Variants in PLXNC1 observed in about 807,000 individuals in gnomAD.
PLXNC1 encodes the protein plexin-C1.
In PLXNC1, 75 loss-of-function variants were observed where a neutral mutation model predicts 178.2. That is an observed-to-expected ratio of 0.42 (90% CI 0.35 to 0.51). The LOEUF (loss-of-function observed/expected upper bound fraction) is 0.51, where lower values mean the gene tolerates loss of function less well. Among genes scored for constraint, PLXNC1 ranks in the 20% least tolerant of loss-of-function variants. The pLI, the probability that PLXNC1 is intolerant of heterozygous loss-of-function variation, is 0.02. For missense variants in PLXNC1, 1,503 were observed against 1,984.4 expected (o/e 0.76, Z 4.61); for synonymous variants, 790 against 779.9 (o/e 1.01, Z -0.22).
intron 1 of PLXNC1, among the ~76,000 whole-genome samples, chr12:94,160,616 G>T (rs960767040): frequency 2.0e-5 from 3 of 152,136 alleles, no homozygotes; most frequent in Admixed American, 6.6e-5. Context: ...GCAATAGAGG[G>T]GGGAATAGCC....
chr12:94,226,344 C>T, intron 7 of PLXNC1: 2 of 360,908 alleles, frequency 5.5e-6, no homozygotes, highest in Non-Finnish European at 5.2e-6. Context: ...GAAACAGATT[C>T]ATTGGGTTCC....
chr12:94,251,356 G>C, intron 14 of PLXNC1, 70 bp from the exon 15 acceptor site: 1 of 895,948 alleles, frequency 1.1e-6, no homozygotes, highest in South Asian at 1.4e-5. Flanking sequence ...AGCCATTTTA[G>C]GGGGGAAATT....
intron 1 of PLXNC1, among the ~76,000 whole-genome samples, chr12:94,157,488 A>T (rs539515633): frequency 2.0e-5 from 3 of 152,302 alleles, no homozygotes; most frequent in East Asian, 1.9e-4. Context: ...TTTTCTTATT[A>T]TGTTTTTTAT....
At chr12:94,297,485 T>A in intron 26 of PLXNC1, 62 bp downstream of exon 26, 2 of 1,111,178 alleles carry the variant, frequency 1.8e-6, no homozygotes, top group Non-Finnish European at 2.7e-6. Flanking sequence ...ATGTTTGACT[T>A]AATTTCCACT....
At chr12:94,161,207 A>G (rs1157076026) in intron 1 of PLXNC1, among the ~76,000 whole-genome samples, 2 of 152,232 alleles carry the variant, frequency 1.3e-5, no homozygotes, top group Non-Finnish European at 2.9e-5. Flanking sequence ...CAATGACATG[A>G]AATGCAAAGT....
chr12:94,278,805 G>A (rs1414153073), intron 21 of PLXNC1, among the ~76,000 whole-genome samples: 1 of 152,144 alleles, frequency 6.6e-6, no homozygotes, highest in Non-Finnish European at 1.5e-5. Flanking sequence ...AGACCAGCCT[G>A]GCCAACATGG....
intron 11 of PLXNC1, among the ~76,000 whole-genome samples, chr12:94,241,977 TA>T (rs779990678): frequency 9.4e-4 from 133 of 141,590 alleles, no homozygotes; most frequent in Middle Eastern, 7.0e-3. Flanking sequence ...AAAGCTTTGT[TA>T]AAAAAAAAAA....
At position 94,271,228 on chromosome 12, in the gene PLXNC1, A is replaced by G. The variant is rs1238273092; in HGVS notation, c.3597+6003A>G. Among the ~76,000 whole-genome samples, 3 of 152,228 alleles carry G rather than the reference A, an allele frequency of 2.0e-5. No homozygotes were observed. The East Asian group carries it at 5.8e-4, about 29-fold the overall frequency. ...CAAGGCCTTTTATGATAAAGTTGCC[A>G]GTTTGTAATAAATTATCTTACAGTT... On this transcript the variant is annotated intron_variant, in intron 21 of 30. Coordinates refer to ENST00000258526, the MANE Select transcript of PLXNC1 (RefSeq NM_005761.3).
At chr12:94,257,523 C>T (rs1964877782) in intron 17 of PLXNC1, among the ~76,000 whole-genome samples, 1 of 152,164 alleles carries the variant, frequency 6.6e-6, no homozygotes, top group Non-Finnish European at 1.5e-5. Flanking sequence ...CCTGTAATCC[C>T]AGCACTTTGG....
At chr12:94,159,301 A>G (rs1961289635) in intron 1 of PLXNC1, among the ~76,000 whole-genome samples, 1 of 152,236 alleles carries the variant, frequency 6.6e-6, no homozygotes, top group South Asian at 2.1e-4. Flanking sequence ...AATGGGCTGT[A>G]TTATTACTAC....
rs571718285 is a variant in PLXNC1 at position 94,244,658 on chromosome 12, T to C, written c.2388+633T>C. Reference sequence around the variant, plus strand: ...AACCTTTTGGCTTCCTGTGGCCACATTGGAAGAAGAATTGTCTTGGGCCAC... The same window carrying C: ...AACCTTTTGGCTTCCTGTGGCCACACTGGAAGAAGAATTGTCTTGGGCCAC... On this transcript the variant is annotated intron_variant, in intron 12 of 30. Coordinates refer to ENST00000258526, the MANE Select transcript of PLXNC1 (RefSeq NM_005761.3). Among the ~76,000 whole-genome samples, 7 of 152,256 alleles carry C rather than the reference T, an allele frequency of 4.6e-5. No homozygotes were observed. In the East Asian group the frequency reaches 9.7e-4, roughly 21 times the overall value.
intron 4 of PLXNC1, among the ~76,000 whole-genome samples, chr12:94,199,318 T>G (rs926064848): frequency 1.3e-5 from 2 of 152,218 alleles, no homozygotes; most frequent in African/African-American, 4.8e-5. Flanking sequence ...GACACTTCTT[T>G]ATGGTCCAGT....
Position 94,227,238 on chromosome 12 carries a change from C to A in PLXNC1, c.1980+3C>A, listed in dbSNP as rs781367152. On this transcript the variant is annotated splice_donor_region_variant and intron_variant, in intron 9 of 30. Transcript: ENST00000258526. The stretch of plus-strand genomic sequence containing the variant: ...ACAGAACCAACCAGGCTTTACAGGT[C>A]AGACCCTATTTTTGTGTGGTTGAGG... The A allele has an allele frequency of 6.3e-7, 1 of 1,588,092 alleles. No individual in the cohort carries two copies. The highest frequency in any genetic ancestry group is 1.1e-5 in the South Asian group (1 of 90,566).
At chr12:94,264,439 C>A (rs1565838230) in intron 20 of PLXNC1, among the ~76,000 whole-genome samples, 1 of 152,170 alleles carries the variant, frequency 6.6e-6, no homozygotes, top group African/African-American at 2.4e-5. Context: ...AAGATGGAGT[C>A]CCTCTGGCCC....
At chr12:94,287,659 T>C (rs968968234) in intron 23 of PLXNC1, among the ~76,000 whole-genome samples, 48 of 152,326 alleles carry the variant, frequency 3.2e-4, no homozygotes, top group African/African-American at 1.2e-3. Context: ...TGCTAACAAA[T>C]TTGTAATTCA....
chr12:94,220,286 C>G (rs1031514736), intron 6 of PLXNC1, 123 bp downstream of exon 6: 11 of 906,560 alleles, frequency 1.2e-5, no homozygotes, highest in East Asian at 2.5e-5. Flanking sequence ...CTCACTACCC[C>G]CTGGTTCCCA....
intron 6 of PLXNC1, among the ~76,000 whole-genome samples, chr12:94,222,828 C>T (rs943334395): frequency 2.0e-5 from 3 of 152,170 alleles, no homozygotes; most frequent in Admixed American, 6.5e-5. Context: ...GTTCATTCTA[C>T]TCACATGTAT....
chr12:94,197,853 G>T (rs1962973822), intron 4 of PLXNC1, among the ~76,000 whole-genome samples: 1 of 152,186 alleles, frequency 6.6e-6, no homozygotes, highest in Non-Finnish European at 1.5e-5. Flanking sequence ...AGAGCCTGGA[G>T]CAAATGGCCC....
Position 94,148,739 on chromosome 12 carries a change from G to C in PLXNC1, c.-233G>C, listed in dbSNP as rs1418364284. ...CGAAGGAGGGCGAGGAGGAAACGGT[G>C]CCGGAGCGCGCAGGGCTTGCTGCCG... On this transcript the variant is annotated 5_prime_UTR_variant, in exon 1 of 31. Coordinates refer to ENST00000258526, the MANE Select transcript of PLXNC1 (RefSeq NM_005761.3). The surrounding 1 kb of genome is among the most constrained non-coding windows in gnomAD (Gnocchi z 4.8). 2.0e-5 allele frequency: 3 copies of C among 151,774 alleles called. No individual in the cohort carries two copies. Among genetic ancestry groups the C allele is most frequent in the Non-Finnish European group, 4.4e-5 (3 of 67,902 alleles). 9.4% of individuals were successfully genotyped at this position (151,774 alleles called of 1,614,324 possible). A position where few individuals can be genotyped will look rare whatever the true frequency, so the allele number is the denominator to read the frequency against.
Sources: gnomAD v4.1 joint callset for allele counts (sites outside exome capture counted in the v4.1 genomes callset) on GRCh38, gnomAD v4.1.1 for gene constraint, Gnocchi (gnomAD v3.1) non-coding constraint, MANE v1.5 for transcripts, NCBI Gene and HGNC (gene_info 2026-07-23, HGNC 2026-07-21) for gene names.